The following FNTA variants were observed in gnomAD, a reference collection of about 807,000 sequenced individuals.
FNTA encodes the protein farnesyltransferase, CAAX box, subunit alpha.
FNTA carries 27 observed loss-of-function variants against 55.2 expected under a neutral mutation model. That is an observed-to-expected ratio of 0.49 (90% CI 0.36 to 0.67). The LOEUF (loss-of-function observed/expected upper bound fraction) is 0.67. Among genes scored for constraint, FNTA ranks in the 30% least tolerant of loss-of-function variants. The probability of loss-of-function intolerance (pLI) is 0.00; values close to 1 mark genes in which losing one functional copy is unlikely to be tolerated. For synonymous variants in FNTA, 176 were observed against 170.7 expected (o/e 1.03, Z -0.24); for missense variants, 422 against 464.7 (o/e 0.91, Z 0.85).
At chr8:43,061,400 G>T (rs1394873181) in intron 2 of FNTA, among the ~76,000 whole-genome samples, 1 of 152,180 alleles carries the variant, frequency 6.6e-6, no homozygotes, top group East Asian at 1.9e-4. Flanking sequence ...GTTTCCACCT[G>T]TGTAAAATGA....
rs1811114492 is a variant in FNTA, at chr8:43,085,633, A to G, written c.*351A>G. ...AATAACTGCAGGTCACTTGTATGTA[A>G]TGGATGTGAGGTAGCCGAAGTTTGG... is the stretch of plus-strand genomic sequence containing the variant. On this transcript the variant is annotated 3_prime_UTR_variant, in exon 9 of 9. Coordinates refer to ENST00000302279, the MANE Select transcript of FNTA (RefSeq NM_002027.3). The G allele has an allele frequency of 4.4e-6, 1 of 228,034 alleles. No individual in the cohort carries two copies. Among genetic ancestry groups the G allele is most frequent in the Non-Finnish European group, 8.4e-6 (1 of 118,374 alleles). The allele number at this position is 228,034 out of a possible 1,614,324, so 14.1% of individuals were successfully genotyped here.
chr8:43,072,202 G>A lies in FNTA; in HGVS notation c.528G>A (p.Val176=), dbSNP rs763048141. The A allele has an allele frequency of 6.4e-7, 1 of 1,559,608 alleles. No individual in the cohort carries two copies. Among genetic ancestry groups the A allele is most frequent in the South Asian group, 1.2e-5 (1 of 81,684 alleles). Residue 176 remains valine, a synonymous_variant, in exon 5 of 9, where the codon GTG becomes GTA. Transcript: ENST00000302279. ...YQVWHHRRVL[V]EWLRDPSQEL... ...TTAGGCATCATAGGCGAGTATTAGTGGAATGGCTAAGAGATCCATCTCAGG... is the reference window on the plus strand; with the variant it reads ...TTAGGCATCATAGGCGAGTATTAGTAGAATGGCTAAGAGATCCATCTCAGG...
At chr8:43,063,477 G>T (rs79310849) in intron 2 of FNTA, among the ~76,000 whole-genome samples, 1,996 of 152,184 alleles carry the variant, frequency 0.013, 40 homozygotes, top group African/African-American at 0.046. Context: ...ATGATTTGTT[G>T]TAGAAGTATT....
intron 2 of FNTA, among the ~76,000 whole-genome samples, chr8:43,060,402 C>T (rs1445970398): frequency 1.3e-5 from 2 of 152,082 alleles, no homozygotes; most frequent in South Asian, 2.1e-4. Context: ...GGGCCAGGCG[C>T]GGTGGCTCAC....
intron 8 of FNTA, 38 bp downstream of exon 8, chr8:43,084,919 C>T: frequency 6.3e-7 from 1 of 1,582,316 alleles, no homozygotes; most frequent in Non-Finnish European, 8.7e-7. Flanking sequence ...TTTTTGGTAT[C>T]TCAGAATTGA....
At chr8:43,068,543 A>G (rs1331701356) in intron 3 of FNTA, among the ~76,000 whole-genome samples, 1 of 152,198 alleles carries the variant, frequency 6.6e-6, no homozygotes, top group East Asian at 1.9e-4. Context: ...TATATGGATA[A>G]TGTATGTACA....
At chr8:43,059,033 A>G (rs754139702) in intron 1 of FNTA, 59 bp from the exon 2 acceptor site, 14 of 1,209,960 alleles carry the variant, frequency 1.2e-5, no homozygotes, top group East Asian at 2.3e-5. Flanking sequence ...TAAAAACACT[A>G]GAGTCCCTTT....
intron 5 of FNTA, chr8:43,076,880 AAAT>A (rs763032915): frequency 9.5e-5 from 15 of 157,766 alleles, no homozygotes; most frequent in African/African-American, 2.2e-4. Context: ...TGCCTCAAAA[AAAT>A]AATAATAAGA....
At chr8:43,084,629 G>T in intron 7 of FNTA, 81 bp from the exon 8 acceptor site, 2 of 1,065,408 alleles carry the variant, frequency 1.9e-6, no homozygotes, top group South Asian at 3.2e-5. Context: ...TGTGTTTCAG[G>T]GTTTATTTTC....
At chr8:43,069,197 C>T (rs1473597489) in intron 3 of FNTA, among the ~76,000 whole-genome samples, 2 of 151,876 alleles carry the variant, frequency 1.3e-5, no homozygotes, top group South Asian at 2.1e-4. Flanking sequence ...CTCATTGCAA[C>T]CTCTGCCTCC....
At chr8:43,077,080 G>A (rs1368238837) in intron 5 of FNTA, 136 bp from the exon 6 acceptor site, 1 of 507,702 alleles carries the variant, frequency 2.0e-6, no homozygotes, top group Admixed American at 3.9e-5. Flanking sequence ...TTTACTTGCA[G>A]CTATCACTAC....
At chr8:43,084,220 T>G (rs951113783) in intron 7 of FNTA, among the ~76,000 whole-genome samples, 1 of 147,356 alleles carries the variant, frequency 6.8e-6, no homozygotes, top group Non-Finnish European at 1.5e-5. Context: ...AATTATCCTT[T>G]TTTTTTTTTT....
At chr8:43,080,380 G>A (rs936517171) in intron 6 of FNTA, 4 of 152,172 alleles carry the variant, frequency 2.6e-5, no homozygotes, top group Admixed American at 2.6e-4. Flanking sequence ...GAAAGATTAC[G>A]ACTTGCTGAA....
chr8:43,077,428 G>C lies in FNTA; in HGVS notation c.782+64G>C, dbSNP rs549069359. The stretch of plus-strand genomic sequence containing the variant: ...TGTTTGCATGCCTACCATATCTCAG[G>C]CACTGGGGATACAGCAGATCAAGAT... On this transcript the variant is annotated intron_variant, in intron 6 of 8. Coordinates refer to ENST00000302279, the MANE Select transcript of FNTA (RefSeq NM_002027.3). 3,871 of 1,349,748 alleles carry C rather than the reference G, an allele frequency of 2.9e-3. 11 individuals are homozygous for C. Among genetic ancestry groups the C allele is most frequent in the South Asian group, 3.5e-3 (271 of 77,002 alleles). The allele number at this position is 1,349,748 out of a possible 1,614,324, so 83.6% of individuals were successfully genotyped here. A position where few individuals can be genotyped will look rare whatever the true frequency, so the allele number is the denominator to read the frequency against.
intron 2 of FNTA, chr8:43,063,144 G>A (rs1164853081): frequency 1.1e-5 from 4 of 365,986 alleles, no homozygotes; most frequent in South Asian, 2.0e-5. Flanking sequence ...CGGTGCTTGC[G>A]ATCATGGCTC....
At chr8:43,079,340 G>C (rs116977851) in intron 6 of FNTA, 2,416 of 156,034 alleles carry the variant, frequency 0.015, 32 homozygotes, top group Non-Finnish European at 0.022. Flanking sequence ...GCCCAATGCA[G>C]CTGGTGACTT....
intron 6 of FNTA, 29 bp downstream of exon 6, chr8:43,077,393 G>A (rs1253143050): frequency 5.1e-6 from 8 of 1,575,712 alleles, no homozygotes; most frequent in East Asian, 2.3e-5. Flanking sequence ...TTGCTCATTC[G>A]TTACAAACAT....
chr8:43,072,875 G>A (rs1035888068), intron 5 of FNTA, among the ~76,000 whole-genome samples: 2 of 152,102 alleles, frequency 1.3e-5, no homozygotes, highest in Non-Finnish European at 2.9e-5. Flanking sequence ...AGTATAAAGA[G>A]TAGCATATTT....
chr8:43,063,336 C>CT (rs765492943), intron 2 of FNTA: 4 of 455,530 alleles, frequency 8.8e-6, no homozygotes, highest in South Asian at 6.2e-5. Flanking sequence ...CTGCCTCAGT[C>CT]TTTTGTTTGT....
Sources: gnomAD v4.1 joint callset for allele counts (sites outside exome capture counted in the v4.1 genomes callset) on GRCh38, gnomAD v4.1.1 for gene constraint, MANE v1.5 for transcripts, NCBI Gene and HGNC (gene_info 2026-07-23, HGNC 2026-07-21) for gene names.